Variants in TFRC observed in about 807,000 individuals in gnomAD.
TFRC encodes transferrin receptor protein 1.
TFRC carries 35 observed loss-of-function variants against 85.8 expected under a neutral mutation model. The ratio of observed to expected loss-of-function variants is 0.41; its 90% CI spans 0.31 to 0.54. The LOEUF (loss-of-function observed/expected upper bound fraction) is 0.54. Ranked by LOEUF, TFRC falls within the 20% of genes least tolerant of loss-of-function variation. The pLI, the probability that TFRC is intolerant of heterozygous loss-of-function variation, is 0.31. For missense variants in TFRC, 828 were observed against 921.5 expected, an observed-to-expected ratio of 0.90 and a Z score of 1.31; for synonymous variants, 362 against 328.6, an observed-to-expected ratio of 1.10 and a Z score of -1.10.
intron 1 of TFRC, among the ~76,000 whole-genome samples, chr3:196,077,807 A>G (rs1206906983): frequency 1.3e-5 from 2 of 152,176 alleles, no homozygotes; most frequent in Non-Finnish European, 2.9e-5. Context: ...TAAGGCAGAC[A>G]AGACCAGTTA....
chr3:196,065,426 G>GGGC lies in TFRC; in HGVS notation c.1198+16_1198+17insGCC, dbSNP rs1458876959. The stretch of plus-strand genomic sequence containing the variant: ...CAAAAAAAAAGCGGGGCGGGGGGGG[G>GGGC]GGGGGGCGGTCTTTACCTGGTTCTA... On this transcript the variant is annotated intron_variant, in intron 10 of 18. Coordinates refer to ENST00000360110, the MANE Select transcript of TFRC (RefSeq NM_001128148.3). The GGGC allele has an allele frequency of 6.9e-5, 48 of 692,126 alleles. 1 individual carries two copies. The highest frequency in any genetic ancestry group is 9.0e-5 in the Non-Finnish European group (46 of 509,646). The allele number at this position is 692,126 out of a possible 1,614,324, so 42.9% of individuals were successfully genotyped here.
chr3:196,049,760 T>A lies in TFRC; in HGVS notation c.*2182A>T. The A allele has an allele frequency of 4.3e-6, 1 of 230,308 alleles. No homozygotes were observed. Among genetic ancestry groups the A allele is most frequent in the Non-Finnish European group, 8.6e-6 (1 of 116,186 alleles). The allele number at this position is 230,308 out of a possible 1,614,324, so 14.3% of individuals were successfully genotyped here. A position where few individuals can be genotyped will look rare whatever the true frequency, so the allele number is the denominator to read the frequency against. On this transcript the variant is annotated 3_prime_UTR_variant, in exon 19 of 19. Coordinates refer to ENST00000360110, the MANE Select transcript of TFRC (RefSeq NM_001128148.3). Reference sequence around the variant, plus strand: ...AACCAGGAATCTCAGCTATGACCTTTTCACTTAGCTACGCTAAATGTCAGT... The same window carrying A: ...AACCAGGAATCTCAGCTATGACCTTATCACTTAGCTACGCTAAATGTCAGT...
In TFRC at chr3:196,053,204, T is replaced by C. The variant is rs536456617; in HGVS notation, c.2040+214A>G. 9.8e-5 allele frequency among the ~76,000 whole-genome samples: 15 copies of C among 152,304 alleles called. No individual in the cohort carries two copies. In the South Asian group the frequency reaches 3.1e-3, roughly 32 times the overall value. On this transcript the variant is annotated intron_variant, in intron 18 of 18. Coordinates refer to ENST00000360110, the MANE Select transcript of TFRC (RefSeq NM_001128148.3). The stretch of plus-strand genomic sequence containing the variant: ...TCAGATTCTTTTCCCCATTGGAGCA[T>C]ACATGGAAGTTTTACAGCAAGTCTC...
chr3:196,062,734 C>CG, intron 12 of TFRC, 89 bp from the exon 13 acceptor site: 1 of 1,542,000 alleles, frequency 6.5e-7, no homozygotes. Context: ...ATTCTGGACT[C>CG]TACTGAGACT....
chr3:196,067,762 T>C (rs1323322187), intron 8 of TFRC, 105 bp from the exon 9 acceptor site: 5 of 1,346,202 alleles, frequency 3.7e-6, no homozygotes, highest in Non-Finnish European at 4.0e-6. Flanking sequence ...GTTTACCAAC[T>C]TGAAGCCTCA....
At chr3:196,054,695 T>C (rs1035516003) in intron 17 of TFRC, among the ~76,000 whole-genome samples, 1 of 152,224 alleles carries the variant, frequency 6.6e-6, no homozygotes, top group African/African-American at 2.4e-5. Context: ...GACTTTTAGA[T>C]GCGCAGATCA....
rs1268806824 is a variant in TFRC at position 196,058,232 on chromosome 3, A to G, written c.1677+52T>C. The G allele has an allele frequency of 9.6e-6, 14 of 1,461,584 alleles. No homozygotes were observed. The African/African-American group carries it at 2.0e-4, about 20-fold the overall frequency. 90.5% of individuals were successfully genotyped at this position (1,461,584 alleles called of 1,614,324 possible). A position where few individuals can be genotyped will look rare whatever the true frequency, so the allele number is the denominator to read the frequency against. On this transcript the variant is annotated intron_variant, in intron 16 of 18. Coordinates refer to ENST00000360110, the MANE Select transcript of TFRC (RefSeq NM_001128148.3). ...AATGCCCTATTCCCAAATACAGATC[A>G]CTTCCTTTTAGAGAGCCTCTCTCCA...
chr3:196,051,749 T>C lies in TFRC; in HGVS notation c.*193A>G, dbSNP rs1716326945. 1.7e-6 allele frequency: 1 copy of C among 587,754 alleles called. No individual in the cohort carries two copies. Among genetic ancestry groups the C allele is most frequent in the Non-Finnish European group, 2.9e-6 (1 of 344,720 alleles). 36.4% of individuals were successfully genotyped at this position (587,754 alleles called of 1,614,324 possible). On this transcript the variant is annotated 3_prime_UTR_variant, in exon 19 of 19. Coordinates refer to ENST00000360110, the MANE Select transcript of TFRC (RefSeq NM_001128148.3). ...ATCATGGACATTTTTTAAGTGGTTA[T>C]TCACTTTAACTTGAAGTACAGGTTA...
At chr3:196,056,245 G>T (rs768798626) in intron 16 of TFRC, among the ~76,000 whole-genome samples, 1 of 152,164 alleles carries the variant, frequency 6.6e-6, no homozygotes, top group Non-Finnish European at 1.5e-5. Context: ...TACCCAGGCT[G>T]GTCTCACTCC....
chr3:196,058,873 A>C, intron 14 of TFRC: 1 of 274,148 alleles, frequency 3.6e-6, no homozygotes, highest in Non-Finnish European at 6.9e-6. Flanking sequence ...TAACATTTTA[A>C]AAGTGGGCCT....
chr3:196,067,637 G>A lies in TFRC; in HGVS notation c.921C>T (p.Asp307=), dbSNP rs1206926562. Residue 307 remains aspartate, a synonymous_variant, in exon 9 of 19, where the codon GAC becomes GAT. Transcript: ENST00000360110. ...FFGHAHLGTG[D]PYTPGFPSFN... The stretch of plus-strand genomic sequence containing the variant: ...AGGAAGGGAATCCAGGTGTGTAAGG[G>A]TCACCTGTCCCCAGATGAGCCTAGG... The A allele has an allele frequency of 1.9e-6, 3 of 1,613,780 alleles. No homozygotes were observed.
chr3:196,060,160 G>T lies in TFRC; in HGVS notation c.1536+20C>A. 2 of 1,589,114 alleles carry T rather than the reference G, an allele frequency of 1.3e-6. No individual in the cohort carries two copies. The highest frequency in any genetic ancestry group is 1.4e-5 in the African/African-American group (1 of 74,072). ...AACAAAAATTAAGTCATACATTTTTGTAATGAGGTATATACTCACATTTTG... is the reference window on the plus strand; with the variant it reads ...AACAAAAATTAAGTCATACATTTTTTTAATGAGGTATATACTCACATTTTG... On this transcript the variant is annotated intron_variant, in intron 14 of 18. Coordinates refer to ENST00000360110, the MANE Select transcript of TFRC (RefSeq NM_001128148.3).
Position 196,072,053 on chromosome 3 carries a change from G to C in TFRC, c.534C>G (p.Leu178=). 6.2e-7 allele frequency: 1 copy of C among 1,614,148 alleles called. No homozygotes were observed. The highest frequency in any genetic ancestry group is 8.5e-7 in the Non-Finnish European group (1 of 1,180,030). Residue 178 remains leucine (L), a synonymous_variant, in exon 5 of 19, where the codon CTC becomes CTG. Transcript: ENST00000360110. The stretch of plus-strand genomic sequence containing the variant: ...AATGTTGATCACGCCAGACTTTGCT[G>C]AGTTTAAATTCACGAAATTGATTTT... The part of the protein sequence containing the change: ...YVENQFREFK[L]SKVWRDQHFV...
rs769649214 is a variant in TFRC, at chr3:196,071,446, C to T, written c.637G>A (p.Val213Met). 20 of 1,614,078 alleles carry T rather than the reference C, an allele frequency of 1.2e-5. No individual in the cohort carries two copies. The highest frequency in any genetic ancestry group is 1.6e-5 in the Non-Finnish European group (19 of 1,179,982). ...GCCACATAACCCCCAGGATTCTCCA[C>T]CAGGTAAACAAGTCTACCGTTCTTA... Reference protein sequence around the residue: ...VDKNGRLVYLVENPGGYVAYS... With the variant: ...VDKNGRLVYLMENPGGYVAYS... The change falls in exon 6 of 19, where the codon GTG (valine) becomes ATG (methionine). Residue 213 changes from valine to methionine, a missense_variant. Coordinates refer to ENST00000360110, the MANE Select transcript of TFRC (RefSeq NM_001128148.3).
intron 18 of TFRC, 109 bp from the exon 19 acceptor site, chr3:196,052,293 T>A: frequency 2.0e-3 from 106 of 54,154 alleles, no homozygotes; most frequent in Middle Eastern, 7.8e-3. Context: ...CCGATCAGAC[T>A]TTTTTTTTTT....
chr3:196,052,629 T>C (rs534610625), intron 18 of TFRC, among the ~76,000 whole-genome samples: 41 of 152,050 alleles, frequency 2.7e-4, no homozygotes, highest in African/African-American at 8.2e-4. Flanking sequence ...TTAGTAGAGA[T>C]GGGGTTTCTC....
At chr3:196,077,312 A>G (rs897448550) in intron 1 of TFRC, among the ~76,000 whole-genome samples, 190 bp from the exon 2 acceptor site, 8 of 152,022 alleles carry the variant, frequency 5.3e-5, no homozygotes, top group Non-Finnish European at 8.8e-5. Context: ...TATATACATA[A>G]TTCTTTTTTT....
At chr3:196,080,867 C>T (rs1222175475) in intron 1 of TFRC, among the ~76,000 whole-genome samples, 1 of 152,172 alleles carries the variant, frequency 6.6e-6, no homozygotes, top group Non-Finnish European at 1.5e-5. Context: ...GCAGGGTCCA[C>T]AAGTACTCTA....
chr3:196,071,337 A>G, intron 6 of TFRC, 59 bp downstream of exon 6: 1 of 1,459,730 alleles, frequency 6.9e-7, no homozygotes, highest in South Asian at 1.2e-5. Flanking sequence ...AGAACAGAAA[A>G]GATGAGTTTT....
Sources: allele counts gnomAD v4.1 joint callset (sites outside exome capture counted in the v4.1 genomes callset), GRCh38; gene constraint gnomAD v4.1.1; transcripts MANE v1.5; gene names NCBI Gene and HGNC (gene_info 2026-07-23, HGNC 2026-07-21).